Variants in DNAH10 observed in about 807,000 individuals in gnomAD.
The protein encoded by DNAH10 is dynein axonemal heavy chain 10, also known as axonemal beta dynein heavy chain 10.
In DNAH10, 348 loss-of-function variants were observed where a neutral mutation model predicts 506.6. The observed-to-expected ratio is 0.69, with a 90% confidence interval of 0.63 to 0.75. The LOEUF is 0.75. Among genes scored for constraint, DNAH10 ranks in the 30% least tolerant of loss-of-function variants. The pLI is 0.00. For missense variants in DNAH10, 5,179 were observed against 5,787.1 expected (o/e 0.89, Z 3.41); for synonymous variants, 2,059 against 2,198.6 (o/e 0.94, Z 1.78).
At chr12:123,872,135 T>G (rs1952060186) in intron 45 of DNAH10, among the ~76,000 whole-genome samples, 1 of 152,136 alleles carries the variant, frequency 6.6e-6, no homozygotes, top group African/African-American at 2.4e-5. Flanking sequence ...TGTCACATTA[T>G]TCACCATCAT....
chr12:123,884,524 C>T (rs1952645929), intron 51 of DNAH10, among the ~76,000 whole-genome samples: 1 of 152,188 alleles, frequency 6.6e-6, no homozygotes, highest in South Asian at 2.1e-4. Flanking sequence ...AGATGGCTGG[C>T]TTCTCATGGC....
intron 7 of DNAH10, 53 bp downstream of exon 7, chr12:123,783,317 C>G: frequency 6.2e-7 from 1 of 1,600,372 alleles, no homozygotes; most frequent in Non-Finnish European, 8.5e-7. Context: ...GCTTACCATG[C>G]TGGGAAAGAG....
intron 57 of DNAH10, among the ~76,000 whole-genome samples, chr12:123,904,696 A>T (rs1953695478): frequency 6.6e-6 from 1 of 151,832 alleles, no homozygotes; most frequent in African/African-American, 2.4e-5. Context: ...TTAGCAAGTC[A>T]TCTAACCTCT....
At position 123,866,031 on chromosome 12, in the gene DNAH10, T is replaced by C; in HGVS notation, c.7125T>C (p.Tyr2375=). Residue 2375 remains tyrosine (Y), a synonymous_variant, in exon 41 of 79, where the codon TAT becomes TAC. Transcript: ENST00000673944. ...MVYVDPKNLK[Y]RPYWKKWVNQ... ...ATGTGGATCCTAAAAACTTGAAATA[T>C]CGACCATACTGGAAAAAATGGGTTA... The C allele has an allele frequency of 6.2e-7, 1 of 1,611,802 alleles. No homozygotes were observed. Among genetic ancestry groups the C allele is most frequent in the Non-Finnish European group, 8.5e-7 (1 of 1,179,332 alleles).
chr12:123,804,334 G>C (rs971279747), intron 17 of DNAH10, among the ~76,000 whole-genome samples: 4 of 152,018 alleles, frequency 2.6e-5, no homozygotes, highest in African/African-American at 9.7e-5. Flanking sequence ...GACCATCCTG[G>C]CTAACACGGT....
intron 9 of DNAH10, 143 bp downstream of exon 9, chr12:123,786,079 C>T: frequency 9.9e-7 from 1 of 1,007,420 alleles, no homozygotes; most frequent in Non-Finnish European, 1.4e-6. Context: ...TGGCTGGGCA[C>T]AGTGGTGCAC....
At chr12:123,905,356 G>A (rs946552587) in intron 57 of DNAH10, among the ~76,000 whole-genome samples, 11 of 152,142 alleles carry the variant, frequency 7.2e-5, no homozygotes, top group Non-Finnish European at 1.5e-4. Flanking sequence ...CATTGTGCAC[G>A]TGGGCGAGTC....
At chr12:123,808,182 G>A (rs1958784785) in intron 18 of DNAH10, among the ~76,000 whole-genome samples, 1 of 152,114 alleles carries the variant, frequency 6.6e-6, no homozygotes, top group African/African-American at 2.4e-5. Context: ...ACAGGCGTGT[G>A]CCACTATGCC....
intron 36 of DNAH10, 57 bp from the exon 37 acceptor site, chr12:123,856,999 C>A: frequency 2.0e-6 from 3 of 1,506,762 alleles, no homozygotes; most frequent in South Asian, 1.3e-5. Context: ...GAAACACAGT[C>A]CAAAGCACTG....
Position 123,787,711 on chromosome 12 carries a change from G to A in DNAH10, c.1422-93G>A. On this transcript the variant is annotated intron_variant, in intron 9 of 78. Transcript: ENST00000673944. The surrounding 1 kb of genome is among the most constrained non-coding windows in gnomAD (Gnocchi z 4.6). ...GAAACCAGGGGGGGCGCCCGGGTCA[G>A]AGCTTCACGGGACACTGGCTCCCCA... is the stretch of plus-strand genomic sequence containing the variant. The A allele has an allele frequency of 6.7e-7, 1 of 1,482,742 alleles. No individual in the cohort carries two copies. Among genetic ancestry groups the A allele is most frequent in the Non-Finnish European group, 9.2e-7 (1 of 1,088,962 alleles). 91.8% of individuals were successfully genotyped at this position (1,482,742 alleles called of 1,614,324 possible). A position where few individuals can be genotyped will look rare whatever the true frequency, so the allele number is the denominator to read the frequency against.
chr12:123,827,049 A>G (rs1960069349), intron 25 of DNAH10, among the ~76,000 whole-genome samples, 151 bp downstream of exon 25: 1 of 152,170 alleles, frequency 6.6e-6, no homozygotes, highest in Non-Finnish European at 1.5e-5. Context: ...ACAGTTCTAT[A>G]ATGTTGTTTC....
intron 33 of DNAH10, 65 bp downstream of exon 33, chr12:123,848,160 A>T: frequency 6.5e-7 from 1 of 1,550,110 alleles, no homozygotes; most frequent in African/African-American, 1.4e-5. Context: ...AGGACATGGC[A>T]TTTCACCTCC....
At chr12:123,905,336 G>C (rs570084104) in intron 57 of DNAH10, among the ~76,000 whole-genome samples, 14 of 152,148 alleles carry the variant, frequency 9.2e-5, no homozygotes, top group Non-Finnish European at 1.8e-4. Context: ...GAATAAATCT[G>C]ACCATAGTTC....
In DNAH10 at chr12:123,918,560, G is replaced by T. The variant is rs1954588232; in HGVS notation, c.11233-116G>T. The T allele has an allele frequency of 1.4e-5, 18 of 1,305,376 alleles. No homozygotes were observed. In the South Asian group the frequency reaches 3.7e-4, roughly 27 times the overall value. 80.9% of individuals were successfully genotyped at this position (1,305,376 alleles called of 1,614,324 possible). On this transcript the variant is annotated intron_variant, in intron 64 of 78. Transcript: ENST00000673944. ...TGCCCTCGCTCCCCTGCAGTCCCTG[G>T]ATACTTTCAAAGCCCTGAAGCATTG...
In DNAH10 at chr12:123,784,021, A is replaced by T. The variant is rs936905347; in HGVS notation, c.1074A>T (p.Thr358=). The change falls in exon 8 of 79, where the codon ACA becomes ACT. Residue 358 remains threonine (T), a synonymous_variant. Transcript: ENST00000673944. ...NATLSALHEQ[T]KLPIVRKVLD... ...CCTTAAGTGCGCTGCATGAACAAAC[A>T]AAGCTTCCAATAGTCAGAAAAGTCT... 1 of 1,614,106 alleles carries T rather than the reference A, an allele frequency of 6.2e-7. No homozygotes were observed. The highest frequency in any genetic ancestry group is 1.3e-5 in the African/African-American group (1 of 74,926).
chr12:123,925,087 C>T lies in DNAH10; in HGVS notation c.11804C>T (p.Pro3935Leu), dbSNP rs777921632. 1.4e-5 allele frequency: 22 copies of T among 1,614,006 alleles called. No homozygotes were observed. The South Asian group carries it at 2.3e-4, about 17-fold the overall frequency. ...DLDSLEQFPV[P>L]LGYDNNITPF... ...GATTCACTGGAGCAGTTTCCCGTCC[C>T]CTTGGGTTACGATAACAACATCACC... Residue 3935 changes from proline (P) to leucine (L), a missense_variant, in exon 68 of 79, where the codon CCC becomes CTC. Physicochemically the swap from Pro to Leu is moderately conservative, Grantham distance 98 (BLOSUM62 -3). Transcript: ENST00000673944. The surrounding 1 kb of genome is among the most constrained non-coding windows in gnomAD (Gnocchi z 4.0).
rs1954846606 is a variant in DNAH10, at chr12:123,924,343, G to T, written c.11677G>T (p.Glu3893Ter). 6.2e-7 allele frequency: 1 copy of T among 1,613,638 alleles called. No individual in the cohort carries two copies. ...PCAWLSDQGW[E>*]DIILLSEMFS... Reference sequence around the variant, plus strand: ...CGCTTGGTTGTCTGACCAAGGATGGGAAGATATCATTCTTTTATCAGAAAT... The same window carrying T: ...CGCTTGGTTGTCTGACCAAGGATGGTAAGATATCATTCTTTTATCAGAAAT... Residue 3893 changes from glutamate (E) to a stop codon, truncating the protein, a stop_gained, in exon 67 of 79, where the codon GAA becomes TAA. Coordinates refer to ENST00000673944, the MANE Select transcript of DNAH10 (RefSeq NM_001372106.1). LOFTEE classifies it high-confidence loss of function.
At chr12:123,896,397 G>A (rs993833736) in intron 54 of DNAH10, among the ~76,000 whole-genome samples, 1 of 152,126 alleles carries the variant, frequency 6.6e-6, no homozygotes, top group African/African-American at 2.4e-5. Context: ...GACATTCTCT[G>A]CTTTGAGCTG....
intron 19 of DNAH10, among the ~76,000 whole-genome samples, chr12:123,811,768 G>T (rs774812037): frequency 6.6e-5 from 10 of 152,018 alleles, no homozygotes; most frequent in Non-Finnish European, 1.5e-4. Context: ...CTCCCAAAGT[G>T]CTGGGATTAC....
Sources: gnomAD v4.1 joint callset for allele counts (sites outside exome capture counted in the v4.1 genomes callset) on GRCh38, gnomAD v4.1.1 for gene constraint, Gnocchi (gnomAD v3.1) non-coding constraint, MANE v1.5 for transcripts, NCBI Gene and HGNC (gene_info 2026-07-23, HGNC 2026-07-21) for gene names.